Variants in SVOP observed in about 807,000 individuals in gnomAD.
The protein encoded by SVOP is SV2 related protein.
In SVOP, 17 loss-of-function variants were observed where a neutral mutation model predicts 69.1. That is an observed-to-expected ratio of 0.25 (90% CI 0.17 to 0.37). SVOP has a LOEUF of 0.37. Among genes scored for constraint, SVOP ranks in the 10% least tolerant of loss-of-function variants. The pLI is 1.00. For synonymous variants in SVOP, 238 were observed against 238.6 expected, an observed-to-expected ratio of 1.00 and a Z score of 0.02; for missense variants, 435 against 597.5, an observed-to-expected ratio of 0.73 and a Z score of 2.84.
At chr12:108,928,245 T>G (rs1294403662) in intron 11 of SVOP, among the ~76,000 whole-genome samples, 1 of 151,566 alleles carries the variant, frequency 6.6e-6, no homozygotes, top group Non-Finnish European at 1.5e-5. Flanking sequence ...TAACCAAACT[T>G]TTGTCAGGCT....
intron 12 of SVOP, among the ~76,000 whole-genome samples, chr12:108,920,621 C>T (rs990758249): frequency 1.6e-5 from 2 of 124,490 alleles, no homozygotes; most frequent in African/African-American, 3.1e-5. Context: ...TTTGACAGAG[C>T]TTCACTCTGT....
rs915611209 is a variant in SVOP at position 108,913,051 on chromosome 12, A to G, written c.1441-310T>C. On this transcript the variant is annotated intron_variant, in intron 15 of 15. Transcript: ENST00000610966. The stretch of plus-strand genomic sequence containing the variant: ...CTTCTTTATAAATTACCTGATCTCA[A>G]GTATTCTTTTTTTTGTTTTTTGTTT... Among the ~76,000 whole-genome samples, 21 of 151,804 alleles carry G rather than the reference A, an allele frequency of 1.4e-4. 1 individual carries two copies. The highest frequency in any genetic ancestry group is 4.9e-4 in the African/African-American group (20 of 41,204).
intron 11 of SVOP, among the ~76,000 whole-genome samples, chr12:108,924,116 C>G (rs921702670): frequency 3.1e-4 from 47 of 152,292 alleles, no homozygotes; most frequent in Admixed American, 1.5e-3. Context: ...CTTATGCCAT[C>G]TGAGGACACA....
intron 5 of SVOP, 120 bp from the exon 6 acceptor site, chr12:108,961,167 G>T (rs2040015939): frequency 7.9e-7 from 1 of 1,270,288 alleles, no homozygotes; most frequent in Non-Finnish European, 1.0e-6. Context: ...CAACCAAGGG[G>T]GTACTGGGTT....
Position 108,912,230 on chromosome 12 carries a change from T to G in SVOP, c.*305A>C, listed in dbSNP as rs979310226. The G allele has an allele frequency of 4.0e-6, 5 of 1,255,412 alleles. No individual in the cohort carries two copies. The Admixed American group carries it at 1.8e-4, about 46-fold the overall frequency. 77.8% of individuals were successfully genotyped at this position (1,255,412 alleles called of 1,614,324 possible). ...GGTTTGGCCGGGTGACTCTGGGTGG[T>G]GTCTGATTGGTTGCTGGCATTACCA... On this transcript the variant is annotated 3_prime_UTR_variant, in exon 16 of 16. Transcript: ENST00000610966.
At chr12:108,919,874 C>G (rs1227461936) in intron 12 of SVOP, 88 bp from the exon 13 acceptor site, 13 of 870,418 alleles carry the variant, frequency 1.5e-5, no homozygotes, top group Middle Eastern at 3.3e-4. Context: ...TCATCCCCTC[C>G]CCTGGAGGGT....
At chr12:108,938,251 T>G (rs1593183536) in intron 9 of SVOP, among the ~76,000 whole-genome samples, 1 of 152,198 alleles carries the variant, frequency 6.6e-6, no homozygotes, top group Non-Finnish European at 1.5e-5. Context: ...GCTTGGATGG[T>G]TCTTGAGGGC....
intron 12 of SVOP, 78 bp downstream of exon 12, chr12:108,922,612 T>C: frequency 9.3e-7 from 1 of 1,074,838 alleles, no homozygotes; most frequent in East Asian, 2.6e-5. Context: ...CCAGGTAGGG[T>C]AGACAGAGCC....
intron 7 of SVOP, among the ~76,000 whole-genome samples, chr12:108,944,256 C>A (rs1180479620): frequency 1.3e-5 from 2 of 151,794 alleles, no homozygotes; most frequent in Admixed American, 1.3e-4. Context: ...CAGCTCACTG[C>A]AGCCTCAAAC....
At chr12:109,012,112 G>A (rs1220237926) in intron 1 of SVOP, among the ~76,000 whole-genome samples, 4 of 151,996 alleles carry the variant, frequency 2.6e-5, no homozygotes, top group African/African-American at 7.3e-5. Flanking sequence ...GCAAAACCCC[G>A]TCTTTACTAA....
chr12:108,960,461 T>C (rs1290578756), intron 6 of SVOP, among the ~76,000 whole-genome samples: 2 of 152,144 alleles, frequency 1.3e-5, no homozygotes, highest in African/African-American at 2.4e-5. Flanking sequence ...AGCATCATAC[T>C]CTGCCTTGCG....
chr12:108,993,417 G>A (rs1260862594), intron 1 of SVOP, among the ~76,000 whole-genome samples: 2 of 150,840 alleles, frequency 1.3e-5, no homozygotes, highest in Non-Finnish European at 2.9e-5. Flanking sequence ...TTAGCTCTTA[G>A]CACTGCCACA....
At chr12:108,918,410 A>C (rs2039727485) in intron 13 of SVOP, among the ~76,000 whole-genome samples, 1 of 152,244 alleles carries the variant, frequency 6.6e-6, no homozygotes. Flanking sequence ...TGGAAAGCTC[A>C]GACAGGAATT....
intron 6 of SVOP, among the ~76,000 whole-genome samples, chr12:108,958,097 A>G (rs532365689): frequency 2.6e-5 from 4 of 152,242 alleles, no homozygotes; most frequent in African/African-American, 7.2e-5. Context: ...TTATTTTGCA[A>G]TCTTTTATTG....
intron 1 of SVOP, among the ~76,000 whole-genome samples, chr12:109,014,098 C>G (rs1012708683): frequency 6.6e-6 from 1 of 151,482 alleles, no homozygotes; most frequent in African/African-American, 2.4e-5. Flanking sequence ...TCATTGGGAC[C>G]TCCATCTCCT....
At chr12:108,972,304 T>C in intron 5 of SVOP, 101 bp downstream of exon 5, 1 of 1,107,146 alleles carries the variant, frequency 9.0e-7, no homozygotes, top group Non-Finnish European at 1.3e-6. Flanking sequence ...TCATCCTTAT[T>C]AGGCCTCCCA....
intron 7 of SVOP, among the ~76,000 whole-genome samples, chr12:108,942,641 C>A (rs2039897985): frequency 6.6e-6 from 1 of 152,274 alleles, no homozygotes; most frequent in Non-Finnish European, 1.5e-5. Context: ...GTCCTAGCTC[C>A]TGTCCAGCAG....
At chr12:108,931,147 C>A (rs1358346609) in intron 11 of SVOP, among the ~76,000 whole-genome samples, 1 of 152,178 alleles carries the variant, frequency 6.6e-6, no homozygotes, top group Non-Finnish European at 1.5e-5. Context: ...ATCAGCAGAG[C>A]ATTTAACACA....
intron 6 of SVOP, among the ~76,000 whole-genome samples, chr12:108,948,210 G>T (rs141331030): frequency 0.045 from 6,847 of 152,228 alleles, 533 homozygotes; most frequent in African/African-American, 0.16. Context: ...ACATCCTTGT[G>T]AACTTCTTCC....
Sources: gnomAD v4.1 joint callset for allele counts (sites outside exome capture counted in the v4.1 genomes callset) on GRCh38, gnomAD v4.1.1 for gene constraint, MANE v1.5 for transcripts, NCBI Gene and HGNC (gene_info 2026-07-23, HGNC 2026-07-21) for gene names.